DNTT: variants seen among roughly 807,000 people sequenced by gnomAD.
DNTT encodes the protein DNA nucleotidylexotransferase, also known as nucleosidetriphosphate:DNA deoxynucleotidylexotransferase.
In DNTT, 47 loss-of-function variants were observed where a neutral mutation model predicts 60.9. That is an observed-to-expected ratio of 0.77 (90% CI 0.61 to 0.98). The LOEUF (loss-of-function observed/expected upper bound fraction) is 0.98, where lower values mean the gene tolerates loss of function less well. DNTT is among the 50% of genes least tolerant of loss of function. The pLI is 0.00. For missense variants in DNTT, 665 were observed against 627.5 expected (o/e 1.06, Z -0.64); for synonymous variants, 224 against 221.2 (o/e 1.01, Z -0.11).
At position 96,323,028 on chromosome 10, in the gene DNTT, C is replaced by T. The variant is rs566567173; in HGVS notation, c.750+300C>T. Among the ~76,000 whole-genome samples the T allele has an allele frequency of 7.2e-5, 11 of 152,268 alleles. No homozygotes were observed. In the East Asian group the frequency reaches 9.7e-4, roughly 13 times the overall value. The stretch of plus-strand genomic sequence containing the variant: ...TGTCACAAAGACACTAATCCTGGGC[C>T]GGGCACCATAGCTCATGCCTGTAAT... On this transcript the variant is annotated intron_variant, in intron 5 of 10. Transcript: ENST00000371174.
chr10:96,332,290 T>C, intron 8 of DNTT, 61 bp from the exon 9 acceptor site: 5 of 1,576,676 alleles, frequency 3.2e-6, no homozygotes, highest in Non-Finnish European at 4.3e-6. Context: ...AAGAATCCAG[T>C]GTTAAATCAT....
intron 2 of DNTT, among the ~76,000 whole-genome samples, chr10:96,318,982 G>A (rs2133987836): frequency 6.6e-6 from 1 of 152,278 alleles, no homozygotes; most frequent in South Asian, 2.1e-4. Context: ...GAGCAATTGT[G>A]CTAAAATCTT....
intron 4 of DNTT, among the ~76,000 whole-genome samples, chr10:96,321,523 T>G (rs969742233): frequency 6.6e-6 from 1 of 152,180 alleles, no homozygotes; most frequent in African/African-American, 2.4e-5. Flanking sequence ...TCTCTTAATG[T>G]GCATGCTCAT....
intron 1 of DNTT, among the ~76,000 whole-genome samples, chr10:96,305,568 G>A (rs1240001719): frequency 6.6e-6 from 1 of 152,206 alleles, no homozygotes; most frequent in African/African-American, 2.4e-5. Flanking sequence ...AAGGAGTAAT[G>A]ATTTATGCAG....
Position 96,335,973 on chromosome 10 carries a change from A to G in DNTT, c.1442A>G (p.Lys481Arg). ...AACCATGCTTTATATGACAAGACCAAGGTACAGTTCTCTTCCTAAAAGGGG... is the reference window on the plus strand; with the variant it reads ...AACCATGCTTTATATGACAAGACCAGGGTACAGTTCTCTTCCTAAAAGGGG... The part of the protein sequence containing the change: ...LDNHALYDKT[K>R]RIFLKAESEE... Residue 481 changes from lysine (K) to arginine (R), a missense_variant and splice_region_variant, in exon 10 of 11, where the codon AAG becomes AGG. Transcript: ENST00000371174. 1.2e-6 allele frequency: 2 copies of G among 1,614,158 alleles called. No individual in the cohort carries two copies. The highest frequency in any genetic ancestry group is 1.7e-6 in the Non-Finnish European group (2 of 1,180,004).
intron 2 of DNTT, 89 bp from the exon 3 acceptor site, chr10:96,319,172 AC>A: frequency 2.1e-6 from 3 of 1,450,768 alleles, no homozygotes; most frequent in Non-Finnish European, 2.8e-6. Context: ...TTATCCTCCA[AC>A]TACAGACAAC....
At chr10:96,338,061 G>T in intron 10 of DNTT, 77 bp from the exon 11 acceptor site, 2 of 1,279,128 alleles carry the variant, frequency 1.6e-6, no homozygotes, top group Middle Eastern at 2.0e-4. Context: ...AATTTTATAA[G>T]TAACACTTTC....
At chr10:96,330,556 A>G (rs1240112231) in intron 8 of DNTT, among the ~76,000 whole-genome samples, 1 of 152,188 alleles carries the variant, frequency 6.6e-6, no homozygotes, top group East Asian at 1.9e-4. Context: ...TCTTCCTAAC[A>G]TTAGTGCTTC....
chr10:96,306,949 C>T (rs890270596), intron 1 of DNTT, among the ~76,000 whole-genome samples: 2 of 152,152 alleles, frequency 1.3e-5, no homozygotes, highest in African/African-American at 2.4e-5. Context: ...TCTCTAGATA[C>T]GAAATTTAGA....
intron 8 of DNTT, among the ~76,000 whole-genome samples, chr10:96,331,161 A>C (rs971938058): frequency 6.6e-6 from 1 of 152,160 alleles, no homozygotes; most frequent in African/African-American, 2.4e-5. Flanking sequence ...AGGCAGGTGG[A>C]CTAACACTCT....
intron 4 of DNTT, 150 bp downstream of exon 4, chr10:96,320,938 G>GTC (rs57273993): frequency 1.3e-3 from 706 of 549,042 alleles, no homozygotes; most frequent in African/African-American, 3.1e-3. Context: ...TCTCTCCTCT[G>GTC]TCTCTCTCTC....
intron 9 of DNTT, among the ~76,000 whole-genome samples, chr10:96,335,045 C>T (rs1037328166): frequency 3.3e-5 from 5 of 152,324 alleles, no homozygotes; most frequent in Admixed American, 3.3e-4. Context: ...ATCTCCTCAA[C>T]CATCCCGGGT....
chr10:96,315,432 C>T (rs1844775554), intron 1 of DNTT, among the ~76,000 whole-genome samples: 2 of 152,028 alleles, frequency 1.3e-5, no homozygotes, highest in South Asian at 4.1e-4. Context: ...ATTATTATTG[C>T]TCTTTTGTTT....
At chr10:96,304,946 C>G (rs1426542240) in intron 1 of DNTT, among the ~76,000 whole-genome samples, 2 of 152,142 alleles carry the variant, frequency 1.3e-5, no homozygotes, top group Non-Finnish European at 2.9e-5. Flanking sequence ...GCTTTTCACT[C>G]CTATGAGATG....
At chr10:96,328,044 T>C (rs552963258) in intron 7 of DNTT, among the ~76,000 whole-genome samples, 3 of 152,208 alleles carry the variant, frequency 2.0e-5, no homozygotes, top group Non-Finnish European at 4.4e-5. Flanking sequence ...ACTAAGTTTG[T>C]AGAGCTTAGT....
rs544251536 is a variant in DNTT, at chr10:96,332,363, T to C, written c.1126T>C (p.Tyr376His). ...TGTTTCTTTTCAGGGATTACTTTTATATTATGACCTTGTGGAGTCAACATT... is the reference window on the plus strand; with the variant it reads ...TGTTTCTTTTCAGGGATTACTTTTACATTATGACCTTGTGGAGTCAACATT... ...NLWEKKGLLL[Y>H]YDLVESTFEK... Residue 376 changes from tyrosine to histidine, a missense_variant, in exon 9 of 11, where the codon TAT becomes CAT. Physicochemically the swap from Tyr to His is moderately conservative, Grantham distance 83 (BLOSUM62 2). Transcript: ENST00000371174. 1,124 of 1,613,970 alleles carry C rather than the reference T, an allele frequency of 7.0e-4. 19 individuals carry two copies. In the South Asian group the frequency reaches 0.012, roughly 17 times the overall value.
At chr10:96,324,895 C>T (rs1844922327) in intron 6 of DNTT, among the ~76,000 whole-genome samples, 1 of 152,056 alleles carries the variant, frequency 6.6e-6, no homozygotes, top group Non-Finnish European at 1.5e-5. Flanking sequence ...GTGAAGATGC[C>T]CTAGAAACTG....
At chr10:96,312,284 T>C (rs1333935114) in intron 1 of DNTT, among the ~76,000 whole-genome samples, 2 of 152,094 alleles carry the variant, frequency 1.3e-5, no homozygotes, top group Admixed American at 6.6e-5. Context: ...TTTTAAAACA[T>C]AGGTCCTCCT....
chr10:96,337,894 T>C (rs1382423317), intron 10 of DNTT, among the ~76,000 whole-genome samples: 3 of 152,212 alleles, frequency 2.0e-5, no homozygotes, highest in African/African-American at 7.2e-5. Flanking sequence ...CTACAGCCCG[T>C]AGGAAAAATA....
Sources: gnomAD v4.1 joint callset for allele counts (sites outside exome capture counted in the v4.1 genomes callset) on GRCh38, gnomAD v4.1.1 for gene constraint, MANE v1.5 for transcripts, NCBI Gene and HGNC (gene_info 2026-07-23, HGNC 2026-07-21) for gene names.